The following ERC2 variants were observed in gnomAD, a reference collection of about 807,000 sequenced individuals.
ERC2 encodes ERC protein 2.
ERC2 carries 42 observed loss-of-function variants against 114.8 expected under a neutral mutation model. The ratio of observed to expected loss-of-function variants is 0.37; its 90% CI spans 0.29 to 0.47. ERC2 has a LOEUF of 0.47. Ranked by LOEUF, ERC2 falls within the 20% of genes least tolerant of loss-of-function variation. The pLI is 0.99. For synonymous variants in ERC2, 454 were observed against 425.5 expected, an observed-to-expected ratio of 1.07 and a Z score of -0.82; for missense variants, 939 against 1,150.7, an observed-to-expected ratio of 0.82 and a Z score of 2.66.
chr3:55,623,265 T>G (rs1389378888), intron 17 of ERC2, among the ~76,000 whole-genome samples: 1 of 152,186 alleles, frequency 6.6e-6, no homozygotes, highest in Non-Finnish European at 1.5e-5. Flanking sequence ...AATTAATACA[T>G]GAAGACAGTG....
chr3:55,520,433 C>CAG (rs1553687612), intron 17 of ERC2, among the ~76,000 whole-genome samples: 33 of 109,530 alleles, frequency 3.0e-4, no homozygotes, highest in African/African-American at 1.1e-3. Flanking sequence ...GACTCTGTCT[C>CAG]AAAAAAAAAA....
At chr3:55,922,528 C>T (rs75646277) in intron 13 of ERC2, among the ~76,000 whole-genome samples, 1 of 152,010 alleles carries the variant, frequency 6.6e-6, no homozygotes, top group Non-Finnish European at 1.5e-5. Context: ...GCTCTTCTCC[C>T]CCTACCCCCT....
chr3:55,871,893 G>A (rs1393451645), intron 14 of ERC2, among the ~76,000 whole-genome samples: 10 of 152,180 alleles, frequency 6.6e-5, no homozygotes, highest in Non-Finnish European at 1.5e-5. Flanking sequence ...GTCTTCATTA[G>A]AATTCACCTC....
intron 3 of ERC2, among the ~76,000 whole-genome samples, chr3:56,191,248 G>A (rs2083979177): frequency 6.6e-6 from 1 of 152,108 alleles, no homozygotes; most frequent in South Asian, 2.1e-4. Context: ...TTTTCAGGGG[G>A]TCCAGGGAAA....
intron 17 of ERC2, among the ~76,000 whole-genome samples, chr3:55,665,225 T>C (rs2061312933): frequency 6.6e-6 from 1 of 152,196 alleles, no homozygotes; most frequent in African/African-American, 2.4e-5. Context: ...CAGCGCTCTT[T>C]CCACTGTTCT....
At chr3:56,384,902 G>C (rs933351123) in intron 2 of ERC2, among the ~76,000 whole-genome samples, 3 of 152,040 alleles carry the variant, frequency 2.0e-5, no homozygotes. Context: ...ACATGTCCCA[G>C]TATCCAGTTT....
chr3:56,237,797 G>T (rs193296729), intron 3 of ERC2, among the ~76,000 whole-genome samples: 16 of 152,010 alleles, frequency 1.1e-4, no homozygotes, highest in Admixed American at 3.9e-4. Context: ...GAGTTTTAAG[G>T]GTTCCTTATT....
At chr3:55,668,388 G>A (rs2061435324) in intron 17 of ERC2, among the ~76,000 whole-genome samples, 1 of 152,124 alleles carries the variant, frequency 6.6e-6, no homozygotes, top group African/African-American at 2.4e-5. Flanking sequence ...CTGTAAAATG[G>A]GGCAACCTAA....
chr3:56,260,888 T>G (rs1460443992), intron 3 of ERC2, among the ~76,000 whole-genome samples: 3 of 152,230 alleles, frequency 2.0e-5, no homozygotes, highest in Non-Finnish European at 4.4e-5. Flanking sequence ...GTCTACCATA[T>G]CTCACAAAAT....
At chr3:55,633,861 T>G (rs916977584) in intron 17 of ERC2, among the ~76,000 whole-genome samples, 2 of 152,178 alleles carry the variant, frequency 1.3e-5, no homozygotes, top group African/African-American at 4.8e-5. Context: ...TGCACATCCC[T>G]CCAGTCCCCT....
At chr3:55,919,032 G>A (rs2065264677) in intron 13 of ERC2, among the ~76,000 whole-genome samples, 1 of 151,948 alleles carries the variant, frequency 6.6e-6, no homozygotes, top group African/African-American at 2.4e-5. Flanking sequence ...TTTGCAAAAG[G>A]AAAAATACAA....
chr3:55,631,862 A>G (rs843800), intron 17 of ERC2, among the ~76,000 whole-genome samples: 142,821 of 152,314 alleles, frequency 0.94, 67,012 homozygotes, highest in East Asian at 1. Flanking sequence ...TATCTATTCT[A>G]TCAGCCCTGT....
At chr3:55,675,522 T>G (rs983390191) in intron 17 of ERC2, among the ~76,000 whole-genome samples, 4 of 152,192 alleles carry the variant, frequency 2.6e-5, no homozygotes, top group Admixed American at 6.5e-5. Flanking sequence ...GTGCTCTGAT[T>G]TTAGATGTCG....
At chr3:56,401,892 A>T (rs1029893748) in intron 2 of ERC2, among the ~76,000 whole-genome samples, 8 of 152,188 alleles carry the variant, frequency 5.3e-5, no homozygotes, top group African/African-American at 1.9e-4. Flanking sequence ...TTTATAAAGG[A>T]AAGAGGTTTA....
intron 17 of ERC2, among the ~76,000 whole-genome samples, chr3:55,642,634 G>A (rs145545715): frequency 2.2e-3 from 338 of 152,040 alleles, no homozygotes; most frequent in Non-Finnish European, 3.6e-3. Flanking sequence ...CAACCAGATC[G>A]CAGCTTTAAT....
chr3:55,868,403 T>C (rs1000336865), intron 14 of ERC2, among the ~76,000 whole-genome samples: 4 of 152,230 alleles, frequency 2.6e-5, no homozygotes, highest in Admixed American at 6.5e-5. Flanking sequence ...TTAGTTATCA[T>C]TTCTGTTCTG....
intron 7 of ERC2, among the ~76,000 whole-genome samples, chr3:56,043,151 A>G (rs1276902207): frequency 1.3e-5 from 2 of 152,176 alleles, no homozygotes; most frequent in African/African-American, 4.8e-5. Flanking sequence ...TCTGCTGGAT[A>G]TCGTGATAGT....
At chr3:55,749,172 G>C (rs1337611569) in intron 14 of ERC2, among the ~76,000 whole-genome samples, 1 of 152,180 alleles carries the variant, frequency 6.6e-6, no homozygotes, top group Non-Finnish European at 1.5e-5. Flanking sequence ...TCCTGTAAAA[G>C]AGGCCCCCAG....
At chr3:55,599,229 T>C (rs2148522489) in intron 17 of ERC2, among the ~76,000 whole-genome samples, 1 of 152,314 alleles carries the variant, frequency 6.6e-6, no homozygotes, top group Admixed American at 6.5e-5. Context: ...TACAGCCACA[T>C]CTTGCTATGG....
Sources: gnomAD v4.1 joint callset for allele counts (sites outside exome capture counted in the v4.1 genomes callset) on GRCh38, gnomAD v4.1.1 for gene constraint, MANE v1.5 for transcripts, NCBI Gene and HGNC (gene_info 2026-07-23, HGNC 2026-07-21) for gene names.